KCNG2: variants seen among roughly 807,000 people sequenced by gnomAD.
The protein encoded by KCNG2 is voltage-gated potassium channel regulatory subunit KCNG2.
Under a neutral mutation model 12.3 loss-of-function variants are expected in KCNG2, and 7 were observed. The observed-to-expected ratio is 0.57, with a 90% CI of 0.32 to 1.07. The LOEUF is 1.07. KCNG2 is among the 50% of genes least tolerant of loss of function. The pLI is 0.04. For synonymous variants in KCNG2, 414 were observed against 351.4 expected, an observed-to-expected ratio of 1.18 and a Z score of -1.99; for missense variants, 703 against 726.0, an observed-to-expected ratio of 0.97 and a Z score of 0.36.
chr18:79,877,350 C>T (rs1424630265), intron 3 of KCNG2, among the ~76,000 whole-genome samples: 2 of 152,142 alleles, frequency 1.3e-5, no homozygotes, highest in Non-Finnish European at 2.9e-5. Context: ...TCAGTGGCCG[C>T]GGCTGTTTGC....
chr18:79,814,393 C>A (rs578025487), intron 1 of KCNG2, among the ~76,000 whole-genome samples: 1 of 152,348 alleles, frequency 6.6e-6, no homozygotes, highest in South Asian at 2.1e-4. Flanking sequence ...TTCTGTACTG[C>A]GGAATACTCT....
Position 79,864,265 on chromosome 18 carries a change from C to G in KCNG2, c.598C>G (p.Pro200Ala). 6.5e-7 allele frequency: 1 copy of G among 1,543,912 alleles called. No individual in the cohort carries two copies. Among genetic ancestry groups the G allele is most frequent in the Non-Finnish European group, 8.7e-7 (1 of 1,150,910 alleles). ...TAVGLCLSTM[P>A]DIRAEEERGE... ...CGTGGGCCTCTGCCTGAGCACCATG[C>G]CGGACATCCGCGCCGAGGAGGAGCG... Residue 200 changes from proline (P) to alanine (A), a missense_variant, in exon 3 of 4, where the codon CCG (proline) becomes GCG (alanine). By Grantham distance (27) the Pro-to-Ala change is conservative. Transcript: ENST00000316249.
chr18:79,870,073 A>G (rs4799096), intron 3 of KCNG2, among the ~76,000 whole-genome samples: 125,818 of 152,164 alleles, frequency 0.83, 54,706 homozygotes, highest in Non-Finnish European at 0.95. Context: ...CGTGCTCCCC[A>G]TTGCCCTCAT....
At chr18:79,896,978 T>A (rs1453241952) in intron 3 of KCNG2, among the ~76,000 whole-genome samples, 2 of 152,212 alleles carry the variant, frequency 1.3e-5, no homozygotes, top group Non-Finnish European at 2.9e-5. Flanking sequence ...TTGTAAGTGA[T>A]CTTCATTTTG....
intron 1 of KCNG2, among the ~76,000 whole-genome samples, 82 bp from the exon 2 acceptor site, chr18:79,856,297 G>A (rs764639101): frequency 2.0e-5 from 3 of 152,172 alleles, no homozygotes; most frequent in Non-Finnish European, 4.4e-5. Flanking sequence ...GGAGGGGTGG[G>A]GCGTCAGAGC....
chr18:79,814,588 G>C (rs2087514749), intron 1 of KCNG2, among the ~76,000 whole-genome samples: 1 of 152,206 alleles, frequency 6.6e-6, no homozygotes, highest in Non-Finnish European at 1.5e-5. Context: ...TTACAGAGCT[G>C]GGAGGGGGTG....
At chr18:79,858,838 T>C (rs936887491) in intron 2 of KCNG2, among the ~76,000 whole-genome samples, 7 of 152,250 alleles carry the variant, frequency 4.6e-5, no homozygotes, top group Non-Finnish European at 8.8e-5. Flanking sequence ...ATTGATCACC[T>C]TTCATGTGCT....
intron 1 of KCNG2, among the ~76,000 whole-genome samples, chr18:79,804,447 G>A (rs941227829): frequency 1.3e-5 from 2 of 152,234 alleles, no homozygotes; most frequent in Non-Finnish European, 2.9e-5. Context: ...TGCGTCAGAG[G>A]CCCAGGTCCT....
intron 1 of KCNG2, among the ~76,000 whole-genome samples, chr18:79,814,312 G>T (rs1352724017): frequency 6.6e-6 from 1 of 152,164 alleles, no homozygotes; most frequent in African/African-American, 2.4e-5. Flanking sequence ...TTTTCATAAT[G>T]TTATTACTAA....
In KCNG2 at chr18:79,899,039, G is replaced by A. The variant is rs1204709690; in HGVS notation, c.625-1G>A. On this transcript the variant is annotated splice_acceptor_variant, in intron 3 of 3. Transcript: ENST00000316249. LOFTEE classifies it high-confidence loss of function. ...CAACCCCGTGTCCCCTCTCCCCGCAGGGCGAGTGCTCCCCCAAGTGCCGCA... is the reference window on the plus strand; with the variant it reads ...CAACCCCGTGTCCCCTCTCCCCGCAAGGCGAGTGCTCCCCCAAGTGCCGCA... The A allele has an allele frequency of 6.4e-7, 1 of 1,550,656 alleles. No individual in the cohort carries two copies. Among genetic ancestry groups the A allele is most frequent in the Non-Finnish European group, 8.7e-7 (1 of 1,151,910 alleles).
At chr18:79,826,162 G>A (rs528877016) in intron 1 of KCNG2, among the ~76,000 whole-genome samples, 85 of 152,374 alleles carry the variant, frequency 5.6e-4, no homozygotes, top group African/African-American at 2.0e-3. Context: ...GCAAGGCCAG[G>A]AACCCGGGTA....
At chr18:79,845,194 A>T (rs1408188474) in intron 1 of KCNG2, among the ~76,000 whole-genome samples, 2 of 152,228 alleles carry the variant, frequency 1.3e-5, no homozygotes, top group African/African-American at 2.4e-5. Flanking sequence ...GTGGTTCAAC[A>T]TTCATAACAT....
chr18:79,892,619 T>C (rs1455067407), intron 3 of KCNG2, among the ~76,000 whole-genome samples: 1 of 152,228 alleles, frequency 6.6e-6, no homozygotes, highest in African/African-American at 2.4e-5. Context: ...TGGCCGCTTT[T>C]GACTGGGTTG....
At chr18:79,872,289 T>TTTTTTTG (rs1555695126) in intron 3 of KCNG2, among the ~76,000 whole-genome samples, 4 of 133,068 alleles carry the variant, frequency 3.0e-5, no homozygotes, top group Non-Finnish European at 6.5e-5. Context: ...AGTTTTTTTT[T>TTTTTTTG]TTTTTTTTTT....
At chr18:79,878,371 ATGTGG>A (rs1568267975) in intron 3 of KCNG2, among the ~76,000 whole-genome samples, 2 of 95,660 alleles carry the variant, frequency 2.1e-5, no homozygotes, top group African/African-American at 7.3e-5. Flanking sequence ...CCTGATGCCC[ATGTGG>A]CAGTGTGCGG....
At chr18:79,850,150 G>A (rs2123047593) in intron 1 of KCNG2, among the ~76,000 whole-genome samples, 1 of 152,350 alleles carries the variant, frequency 6.6e-6, no homozygotes, top group East Asian at 1.9e-4. Context: ...CACCCAGACA[G>A]CCGAAGCCCC....
At chr18:79,815,441 CA>C (rs760919178) in intron 1 of KCNG2, among the ~76,000 whole-genome samples, 8,561 of 78,840 alleles carry the variant, frequency 0.11, 533 homozygotes, top group African/African-American at 0.26. Context: ...AACCCTGCCT[CA>C]AAAAAAAAAA....
chr18:79,804,299 T>C (rs1403703862), intron 1 of KCNG2, among the ~76,000 whole-genome samples: 1 of 152,204 alleles, frequency 6.6e-6, no homozygotes, highest in Non-Finnish European at 1.5e-5. Flanking sequence ...TGCTGGACTC[T>C]GCCCGTCAGC....
At chr18:79,819,154 G>A (rs2087552381) in intron 1 of KCNG2, among the ~76,000 whole-genome samples, 1 of 152,202 alleles carries the variant, frequency 6.6e-6, no homozygotes, top group Non-Finnish European at 1.5e-5. Flanking sequence ...GGGGTGATAG[G>A]ACCCCTCTCA....
Sources: gnomAD v4.1 joint callset for allele counts (sites outside exome capture counted in the v4.1 genomes callset) on GRCh38, gnomAD v4.1.1 for gene constraint, MANE v1.5 for transcripts, NCBI Gene and HGNC (gene_info 2026-07-23, HGNC 2026-07-21) for gene names.